The following RPS6KA2 variants were observed in gnomAD, a reference collection of about 807,000 sequenced individuals.
RPS6KA2 encodes ribosomal protein S6 kinase alpha-2.
In RPS6KA2, 42 loss-of-function variants were observed where a neutral mutation model predicts 91.8. The ratio of observed to expected loss-of-function variants is 0.46; its 90% CI spans 0.36 to 0.59. The LOEUF (loss-of-function observed/expected upper bound fraction) is 0.59, where lower values mean the gene tolerates loss of function less well. Ranked by LOEUF, RPS6KA2 falls within the 20% of genes least tolerant of loss-of-function variation. The pLI, the probability that RPS6KA2 is intolerant of heterozygous loss-of-function variation, is 0.00. For missense variants in RPS6KA2, 798 were observed against 978.5 expected (o/e 0.82, Z 2.46); for synonymous variants, 414 against 393.6 (o/e 1.05, Z -0.61).
At chr6:166,476,370 C>G (rs1206444147) in intron 10 of RPS6KA2, among the ~76,000 whole-genome samples, 3 of 152,160 alleles carry the variant, frequency 2.0e-5, no homozygotes, top group Non-Finnish European at 4.4e-5. Context: ...GTCAAGGCTG[C>G]CCCAAGAAAC....
chr6:166,559,926 C>G (rs1475296817), intron 1 of RPS6KA2, among the ~76,000 whole-genome samples: 2 of 152,154 alleles, frequency 1.3e-5, no homozygotes, highest in Non-Finnish European at 2.9e-5. Flanking sequence ...CACATTTTTA[C>G]AAGAACTCTC....
intron 10 of RPS6KA2, among the ~76,000 whole-genome samples, chr6:166,480,927 A>G (rs377336771): frequency 1.5e-4 from 23 of 152,248 alleles, no homozygotes; most frequent in Middle Eastern, 6.8e-3. Flanking sequence ...TATGAGCCAC[A>G]ATGCCTGGCC....
intron 2 of RPS6KA2, among the ~76,000 whole-genome samples, chr6:166,700,311 A>AT (rs1274902140): frequency 5.9e-5 from 9 of 152,140 alleles, no homozygotes; most frequent in Non-Finnish European, 1.2e-4. Flanking sequence ...TGAACATTTG[A>AT]TTTTTTTAAC....
intron 2 of RPS6KA2, among the ~76,000 whole-genome samples, chr6:166,704,037 G>A (rs941501431): frequency 7.9e-5 from 12 of 152,136 alleles, no homozygotes; most frequent in African/African-American, 2.9e-4. Context: ...GAAGATATTG[G>A]CTCACACTTC....
rs763907074 is a variant in RPS6KA2 at position 166,418,414 on chromosome 6, T to A, written c.1821-72A>T. The A allele has an allele frequency of 1.1e-5, 13 of 1,133,136 alleles. No homozygotes were observed. Among genetic ancestry groups the A allele is most frequent in the Non-Finnish European group, 1.6e-5 (12 of 745,406 alleles). 70.2% of individuals were successfully genotyped at this position (1,133,136 alleles called of 1,614,324 possible). ...CTAAAATAAAGTTTGCAAGTTGATA[T>A]CACCCCTTGGCTGTTCAAAGGAATA... On this transcript the variant is annotated intron_variant, in intron 18 of 20. Transcript: ENST00000265678. The surrounding 1 kb of genome is among the most constrained non-coding windows in gnomAD (Gnocchi z 4.9).
chr6:166,720,355 T>C (rs925793134), intron 2 of RPS6KA2, among the ~76,000 whole-genome samples: 1 of 152,224 alleles, frequency 6.6e-6, no homozygotes, highest in Non-Finnish European at 1.5e-5. Flanking sequence ...AACAGGTTTC[T>C]AATCATTATA....
intron 1 of RPS6KA2, among the ~76,000 whole-genome samples, chr6:166,573,533 G>A (rs1784751396): frequency 6.6e-6 from 1 of 152,262 alleles, no homozygotes; most frequent in Non-Finnish European, 1.5e-5. Flanking sequence ...GCATCCAGGT[G>A]CCTCCCTGCA....
intron 1 of RPS6KA2, among the ~76,000 whole-genome samples, chr6:166,539,729 C>T (rs536358707): frequency 6.6e-6 from 1 of 152,190 alleles, no homozygotes; most frequent in African/African-American, 2.4e-5. Context: ...CACATGACTT[C>T]CCTTGTAAAG....
intron 2 of RPS6KA2, among the ~76,000 whole-genome samples, chr6:166,753,429 T>A (rs1777906789): frequency 6.6e-6 from 1 of 152,224 alleles, no homozygotes; most frequent in Non-Finnish European, 1.5e-5. Flanking sequence ...CTGTTGGAAT[T>A]TTTTTCTTGT....
chr6:166,504,463 C>T (rs765550209), intron 6 of RPS6KA2, 43 bp downstream of exon 6: 3 of 1,158,926 alleles, frequency 2.6e-6, no homozygotes, highest in South Asian at 2.6e-5. Context: ...ATACATGGAG[C>T]TGATGGGCGT....
In RPS6KA2 at chr6:166,423,569, G is replaced by A; in HGVS notation, c.1582-152C>T. On this transcript the variant is annotated intron_variant, in intron 16 of 20. Transcript: ENST00000265678. This position sits in a 1 kb window ranked among gnomAD's most constrained non-coding sequence, Gnocchi z 4.8. ...CAGGCCAACAGTGTCAACAGCTGCT[G>A]TCTTCTCCAGAGGGCCCCCCACCTT... is the stretch of plus-strand genomic sequence containing the variant. The A allele has an allele frequency of 2.9e-6, 2 of 689,952 alleles. No homozygotes were observed. Among genetic ancestry groups the A allele is most frequent in the East Asian group, 2.9e-5 (1 of 34,148 alleles). The allele number at this position is 689,952 out of a possible 1,614,324, so 42.7% of individuals were successfully genotyped here.
intron 11 of RPS6KA2, among the ~76,000 whole-genome samples, chr6:166,461,863 C>T (rs1481970200): frequency 1.3e-5 from 2 of 152,202 alleles, no homozygotes; most frequent in Admixed American, 6.5e-5. Flanking sequence ...ACCCCTGCCC[C>T]TGCCCCACCA....
In RPS6KA2 at chr6:166,603,128, G is replaced by A. The variant is rs1785810063; in HGVS notation, c.99+23793C>T. Among the ~76,000 whole-genome samples, 1 of 152,190 alleles carries A rather than the reference G, an allele frequency of 6.6e-6. No individual in the cohort carries two copies. The highest frequency in any genetic ancestry group is 2.4e-5 in the African/African-American group (1 of 41,438). ...TCTGTTAAGTGTTAAGTTCTGACAT[G>A]AGCTTAGTCTAAAAGGGATCTGGGC... is the stretch of plus-strand genomic sequence containing the variant. On this transcript the variant is annotated intron_variant, in intron 1 of 20. Transcript: ENST00000265678. The surrounding 1 kb of genome is among the most constrained non-coding windows in gnomAD (Gnocchi z 4.3).
At chr6:166,744,140 T>C (rs1790906517) in intron 2 of RPS6KA2, among the ~76,000 whole-genome samples, 2 of 152,248 alleles carry the variant, frequency 1.3e-5, no homozygotes, top group African/African-American at 4.8e-5. Context: ...GCTAGTGTGG[T>C]CACTCCCTTC....
At chr6:166,676,120 C>T (rs921000999) in intron 2 of RPS6KA2, among the ~76,000 whole-genome samples, 4 of 152,108 alleles carry the variant, frequency 2.6e-5, no homozygotes, top group African/African-American at 4.8e-5. Flanking sequence ...CGTTGGAGAC[C>T]AGCCTGGCCA....
At chr6:166,786,038 C>T (rs141755420) in intron 2 of RPS6KA2, among the ~76,000 whole-genome samples, 140 of 152,232 alleles carry the variant, frequency 9.2e-4, no homozygotes, top group African/African-American at 3.3e-3. Flanking sequence ...CCATACAATT[C>T]AGATATCCTT....
Position 166,612,336 on chromosome 6 carries a change from CAG to C in RPS6KA2, c.99+14583_99+14584del, listed in dbSNP as rs1786212292. On this transcript the variant is annotated intron_variant, in intron 1 of 20. Coordinates refer to ENST00000265678, the MANE Select transcript of RPS6KA2 (RefSeq NM_021135.6). The surrounding 1 kb of genome is among the most constrained non-coding windows in gnomAD (Gnocchi z 4.3). The stretch of plus-strand genomic sequence containing the variant: ...CTTTCTGGCTTCTCAGTGGTCTGCT[CAG>C]AGACGTTTATCCTCCTTGCAGCTGG... Among the ~76,000 whole-genome samples the C allele has an allele frequency of 6.6e-6, 1 of 152,128 alleles. No homozygotes were observed. The highest frequency in any genetic ancestry group is 2.1e-4 in the South Asian group (1 of 4,806).
intron 2 of RPS6KA2, among the ~76,000 whole-genome samples, chr6:166,793,657 T>C (rs1779152333): frequency 1.3e-5 from 2 of 152,024 alleles, no homozygotes; most frequent in African/African-American, 4.8e-5. Flanking sequence ...AAAACAGAGA[T>C]ACAGAACAAT....
intron 2 of RPS6KA2, among the ~76,000 whole-genome samples, chr6:166,718,532 T>C (rs1790085351): frequency 6.6e-6 from 1 of 152,248 alleles, no homozygotes; most frequent in African/African-American, 2.4e-5. Flanking sequence ...TATTGACTTT[T>C]TTATCATACA....
Sources: allele counts gnomAD v4.1 joint callset (sites outside exome capture counted in the v4.1 genomes callset), GRCh38; gene constraint gnomAD v4.1.1; non-coding constraint Gnocchi (gnomAD v3.1); transcripts MANE v1.5; gene names NCBI Gene and HGNC (gene_info 2026-07-23, HGNC 2026-07-21).